The following COL28A1 variants were observed in gnomAD, a reference collection of about 807,000 sequenced individuals.
The protein encoded by COL28A1 is collagen alpha-1(XXVIII) chain.
A neutral mutation model predicts 150.2 loss-of-function variants in COL28A1; 161 were observed. The ratio of observed to expected loss-of-function variants is 1.07; its 90% CI spans 0.94 to 1.22. The LOEUF is 1.22. Among genes scored for constraint, COL28A1 ranks in the 50% most tolerant of loss-of-function variants. The pLI is 0.00. For synonymous variants in COL28A1, 552 were observed against 469.7 expected, an observed-to-expected ratio of 1.18 and a Z score of -2.26; for missense variants, 1,617 against 1,388.3, an observed-to-expected ratio of 1.16 and a Z score of -2.62.
At chr7:7,446,214 G>T (rs1786247798) in intron 18 of COL28A1, among the ~76,000 whole-genome samples, 1 of 151,406 alleles carries the variant, frequency 6.6e-6, no homozygotes, top group African/African-American at 2.4e-5. Flanking sequence ...GGAATGATGA[G>T]AAAAAACCTA....
chr7:7,465,412 C>T (rs969374804), intron 15 of COL28A1, among the ~76,000 whole-genome samples: 12 of 140,998 alleles, frequency 8.5e-5, no homozygotes, highest in African/African-American at 2.4e-4. Context: ...TAAGAAACGG[C>T]GCACCACGAG....
chr7:7,496,934 T>A (rs1442477088), intron 11 of COL28A1, among the ~76,000 whole-genome samples: 1 of 151,940 alleles, frequency 6.6e-6, no homozygotes, highest in East Asian at 1.9e-4. Context: ...GGTTCAAGTA[T>A]GGCCAGGATA....
rs771450508 is a variant in COL28A1 at position 7,515,810 on chromosome 7, T to G, written c.882+4A>C. The G allele has an allele frequency of 1.9e-6, 2 of 1,057,306 alleles. No individual in the cohort carries two copies. Among genetic ancestry groups the G allele is most frequent in the South Asian group, 2.5e-5 (2 of 78,432 alleles). The allele number at this position is 1,057,306 out of a possible 1,614,324, so 65.5% of individuals were successfully genotyped here. A position where few individuals can be genotyped will look rare whatever the true frequency, so the allele number is the denominator to read the frequency against. ...GGTCAATCTATTTGTTGTTACCAAC[T>G]TACCTTGTCACCCTTGTACCCAGGA... On this transcript the variant is annotated splice_donor_region_variant and intron_variant, in intron 8 of 34. Coordinates refer to ENST00000399429, the MANE Select transcript of COL28A1 (RefSeq NM_001037763.3).
chr7:7,469,609 C>G (rs1788262078), intron 15 of COL28A1, among the ~76,000 whole-genome samples: 1 of 97,450 alleles, frequency 1.0e-5, no homozygotes, highest in Non-Finnish European at 2.0e-5. Context: ...GAAAAAACTA[C>G]TTTAAAGTTC....
At chr7:7,390,849 A>AT (rs1235356698) in intron 27 of COL28A1, among the ~76,000 whole-genome samples, 9 of 151,972 alleles carry the variant, frequency 5.9e-5, no homozygotes, top group Non-Finnish European at 1.2e-4. Context: ...CCCCTTTATC[A>AT]TTTTTTATTG....
At chr7:7,421,496 C>A (rs1455467432) in intron 25 of COL28A1, among the ~76,000 whole-genome samples, 1 of 151,998 alleles carries the variant, frequency 6.6e-6, no homozygotes, top group South Asian at 2.1e-4. Flanking sequence ...AAAAAAAGAA[C>A]CAGGGTCAGG....
intron 15 of COL28A1, 37 bp from the exon 16 acceptor site, chr7:7,456,149 A>C: frequency 6.3e-7 from 1 of 1,597,968 alleles, no homozygotes; most frequent in Non-Finnish European, 8.5e-7. Flanking sequence ...TAACAATAAA[A>C]TAAAATCTTA....
intron 7 of COL28A1, among the ~76,000 whole-genome samples, chr7:7,516,898 T>A (rs963469189): frequency 6.6e-6 from 1 of 152,090 alleles, no homozygotes; most frequent in African/African-American, 2.4e-5. Flanking sequence ...CTGGCCTGAC[T>A]TTTTTTACAA....
At chr7:7,349,674 G>C in the COL28A1 span, among the ~76,000 whole-genome samples, 1 of 152,062 alleles carries the variant, frequency 6.6e-6, no homozygotes, top group African/African-American at 2.4e-5. Flanking sequence ...GGCCATCACA[G>C]GGCTCACCTC....
At chr7:7,356,717 G>A (rs1780371720), downstream of COL28A1, 1 of 151,940 alleles carries the variant, frequency 6.6e-6, no homozygotes, top group Non-Finnish European at 1.5e-5. Flanking sequence ...AGTGGGGAGG[G>A]ATAGCATTAG....
At chr7:7,485,050 A>G (rs1779548040) in intron 13 of COL28A1, among the ~76,000 whole-genome samples, 1 of 152,160 alleles carries the variant, frequency 6.6e-6, no homozygotes, top group Non-Finnish European at 1.5e-5. Flanking sequence ...GGATGATGAA[A>G]TAATCTCTAC....
intron 15 of COL28A1, among the ~76,000 whole-genome samples, chr7:7,458,493 A>G (rs1262205035): frequency 6.6e-6 from 1 of 152,146 alleles, no homozygotes; most frequent in East Asian, 1.9e-4. Flanking sequence ...ATTAGATCAA[A>G]CTTTATATAA....
chr7:7,416,255 G>A (rs1330788123), intron 27 of COL28A1, among the ~76,000 whole-genome samples: 4 of 152,200 alleles, frequency 2.6e-5, no homozygotes, highest in Non-Finnish European at 5.9e-5. Flanking sequence ...GGAGGCTTCA[G>A]GACCTGGTTT....
the COL28A1 span, among the ~76,000 whole-genome samples, chr7:7,340,093 C>A: frequency 2.0e-5 from 3 of 152,092 alleles, no homozygotes; most frequent in Admixed American, 2.0e-4. Flanking sequence ...CAGATTCAAG[C>A]GGTTCTCCTG....
chr7:7,501,913 T>A (rs918311501), intron 11 of COL28A1, among the ~76,000 whole-genome samples: 1 of 152,168 alleles, frequency 6.6e-6, no homozygotes, highest in African/African-American at 2.4e-5. Flanking sequence ...TTTTTTCTTT[T>A]GAGACAGAGT....
Position 7,512,297 on chromosome 7 carries a change from G to A in COL28A1, c.883-1162C>T, listed in dbSNP as rs143106501. Among the ~76,000 whole-genome samples the A allele has an allele frequency of 6.1e-4, 93 of 152,202 alleles. 1 individual carries two copies. Among genetic ancestry groups the A allele is most frequent in the African/African-American group, 1.8e-3 (76 of 41,532 alleles). On this transcript the variant is annotated intron_variant, in intron 8 of 34. Transcript: ENST00000399429. ...GTTCAAGAGATCTATTGTTCAACAC[G>A]ATGACTATCATTAATAACAATGTCT...
Position 7,435,450 on chromosome 7 carries a change from A to G in COL28A1, c.1860+945T>C, listed in dbSNP as rs184035808. Among the ~76,000 whole-genome samples, 4 of 152,226 alleles carry G rather than the reference A, an allele frequency of 2.6e-5. No homozygotes were observed. In the East Asian group the frequency reaches 5.8e-4, roughly 22 times the overall value. ...AACAATTCGTCCAAGTTTGCCCAAG[A>G]TTTTCCCAGTTTTAGCCCGGAAAGT... is the stretch of plus-strand genomic sequence containing the variant. On this transcript the variant is annotated intron_variant, in intron 23 of 34. Transcript: ENST00000399429.
intron 15 of COL28A1, among the ~76,000 whole-genome samples, chr7:7,466,323 G>C (rs1788077072): frequency 2.1e-5 from 3 of 145,778 alleles, no homozygotes; most frequent in Non-Finnish European, 4.5e-5. Flanking sequence ...AGCCTCAGGA[G>C]CCGATGTGAT....
At chr7:7,367,424 G>T (rs1780992424) in intron 33 of COL28A1, among the ~76,000 whole-genome samples, 1 of 152,098 alleles carries the variant, frequency 6.6e-6, no homozygotes, top group African/African-American at 2.4e-5. Context: ...GTTTTGCATT[G>T]GTGCTTCTTT....
Sources: gnomAD v4.1 joint callset for allele counts (sites outside exome capture counted in the v4.1 genomes callset) on GRCh38, gnomAD v4.1.1 for gene constraint, MANE v1.5 for transcripts, NCBI Gene and HGNC (gene_info 2026-07-23, HGNC 2026-07-21) for gene names.